Variants in ADAMTS13 observed in about 807,000 individuals in gnomAD.
ADAMTS13 encodes ADAM metallopeptidase with thrombospondin type 1 motif 13.
A neutral mutation model predicts 155.1 loss-of-function variants in ADAMTS13; 110 were observed. The ratio of observed to expected loss-of-function variants is 0.71; its 90% CI spans 0.61 to 0.83. The LOEUF (loss-of-function observed/expected upper bound fraction) is 0.83, where lower values mean the gene tolerates loss of function less well. Among genes scored for constraint, ADAMTS13 ranks in the 40% least tolerant of loss-of-function variants. ADAMTS13 has a pLI of 0.00. For synonymous variants in ADAMTS13, 758 were observed against 756.4 expected (o/e 1.00, Z -0.03); for missense variants, 1,707 against 1,891.7 (o/e 0.90, Z 1.81).
upstream of ADAMTS13, among the ~76,000 whole-genome samples, chr9:133,421,847 A>G (rs1839974289): frequency 6.6e-6 from 1 of 152,134 alleles, no homozygotes; most frequent in South Asian, 2.1e-4. Flanking sequence ...GTGGGTGTAA[A>G]AGAGTGGTTT....
chr9:133,454,541 G>A lies in ADAMTS13; in HGVS notation c.3171G>A (p.Ala1057=), dbSNP rs36222580. The change falls in exon 24 of 29, where the codon GCG becomes GCA. Residue 1057 remains alanine, a synonymous_variant. Coordinates refer to ENST00000355699, the MANE Select transcript of ADAMTS13 (RefSeq NM_139027.6). ...AGGTGGACGAGGCGGCCTGTGCGGCGCTGGTGCGGCCCGAGGCCAGTGTCC... is the reference window on the plus strand; with the variant it reads ...AGGTGGACGAGGCGGCCTGTGCGGCACTGGTGCGGCCCGAGGCCAGTGTCC... The part of the protein sequence containing the change: ...DVEVDEAACA[A]LVRPEASVPC... 4.8e-4 allele frequency: 770 copies of A among 1,609,504 alleles called. 4 individuals are homozygous for A. The African/African-American group carries it at 9.0e-3, about 19-fold the overall frequency.
chr9:133,435,759 C>T (rs1446508443), intron 11 of ADAMTS13, among the ~76,000 whole-genome samples: 1 of 151,834 alleles, frequency 6.6e-6, no homozygotes, highest in Non-Finnish European at 1.5e-5. Context: ...GTCTTGATCT[C>T]CTGACCTCGT....
chr9:133,445,137 C>G lies in ADAMTS13; in HGVS notation c.2610+85C>G, dbSNP rs1241254106. ...ACGAGGAGCACCCATTGCCACCGTC[C>G]TCCAGGCCAGAGCAAGAACACCATC... On this transcript the variant is annotated intron_variant, in intron 20 of 28. Transcript: ENST00000355699. The surrounding 1 kb of genome is among the most constrained non-coding windows in gnomAD (Gnocchi z 5.0). 3 of 1,448,404 alleles carry G rather than the reference C, an allele frequency of 2.1e-6. No individual in the cohort carries two copies. In the Admixed American group the frequency reaches 5.8e-5, roughly 28 times the overall value. The allele number at this position is 1,448,404 out of a possible 1,614,324, so 89.7% of individuals were successfully genotyped here.
At chr9:133,447,589 T>C (rs1438718963) in intron 21 of ADAMTS13, among the ~76,000 whole-genome samples, 1 of 150,606 alleles carries the variant, frequency 6.6e-6, no homozygotes, top group Non-Finnish European at 1.5e-5. Context: ...TTCTTTTTCT[T>C]TTTTTTCTTT....
chr9:133,453,937 G>A (rs1842592714), intron 23 of ADAMTS13, among the ~76,000 whole-genome samples: 1 of 152,088 alleles, frequency 6.6e-6, no homozygotes, highest in African/African-American at 2.4e-5. Context: ...CTTGCAGGCT[G>A]CCTGGGTTTG....
Position 133,428,617 on chromosome 9 carries a change from C to T in ADAMTS13, c.687-17C>T. ...CCCTGCCGGCCGCCTTAGCGCAACTCCCCGCCCCCCGACCAGCTTCGGCCT... is the reference window on the plus strand; with the variant it reads ...CCCTGCCGGCCGCCTTAGCGCAACTTCCCGCCCCCCGACCAGCTTCGGCCT... On this transcript the variant is annotated splice_polypyrimidine_tract_variant and intron_variant, in intron 6 of 28. Coordinates refer to ENST00000355699, the MANE Select transcript of ADAMTS13 (RefSeq NM_139027.6). 2.3e-6 allele frequency: 3 copies of T among 1,279,816 alleles called. No homozygotes were observed. Among genetic ancestry groups the T allele is most frequent in the Non-Finnish European group, 3.0e-6 (3 of 1,010,428 alleles). 79.3% of individuals were successfully genotyped at this position (1,279,816 alleles called of 1,614,324 possible).
rs199810396 is a variant in ADAMTS13 at position 133,455,332 on chromosome 9, C to T, written c.3297C>T (p.Cys1099=). ...GDGIQRRRDT[C]LGPQAQAPVP... ...GCATCCAGCGCCGGCGTGACACCTGCCTCGGACCCCAGGCCCAGGCGCCTG... is the reference window on the plus strand; with the variant it reads ...GCATCCAGCGCCGGCGTGACACCTGTCTCGGACCCCAGGCCCAGGCGCCTG... The change falls in exon 25 of 29, where the codon TGC becomes TGT. Residue 1099 remains cysteine, a synonymous_variant. Transcript: ENST00000355699. The T allele has an allele frequency of 3.7e-6, 6 of 1,608,606 alleles. No individual in the cohort carries two copies.
intron 23 of ADAMTS13, among the ~76,000 whole-genome samples, chr9:133,453,104 C>A (rs897736894): frequency 1.3e-5 from 2 of 151,838 alleles, no homozygotes; most frequent in Non-Finnish European, 2.9e-5. Flanking sequence ...GAGTTCTAGA[C>A]CAGCCTGGGC....
intron 23 of ADAMTS13, among the ~76,000 whole-genome samples, chr9:133,451,604 T>TA (rs781954127): frequency 1.3e-5 from 2 of 152,256 alleles, no homozygotes; most frequent in South Asian, 4.2e-4. Context: ...AGATTTCACT[T>TA]AAATTTAGGC....
chr9:133,434,548 G>A (rs587734643), intron 11 of ADAMTS13, among the ~76,000 whole-genome samples: 24 of 152,228 alleles, frequency 1.6e-4, no homozygotes, highest in African/African-American at 4.3e-4. Context: ...CTCGTGATCC[G>A]CCTGCCTCGG....
At chr9:133,457,012 C>T (rs1842789367) in intron 27 of ADAMTS13, 1 of 513,306 alleles carries the variant, frequency 1.9e-6, no homozygotes, top group Non-Finnish European at 3.6e-6. Context: ...ACCCACCTGC[C>T]CCGCCCCCAC....
chr9:133,437,341 C>T (rs1841313426), intron 12 of ADAMTS13, among the ~76,000 whole-genome samples: 2 of 152,212 alleles, frequency 1.3e-5, no homozygotes. Flanking sequence ...ACTGTAACCT[C>T]CGCCTCTGGG....
At chr9:133,439,498 A>T in intron 15 of ADAMTS13, 52 bp downstream of exon 15, 3 of 1,491,748 alleles carry the variant, frequency 2.0e-6, no homozygotes, top group Non-Finnish European at 2.8e-6. Context: ...AAAGGTGCAG[A>T]GCACTGTTGC....
At position 133,445,773 on chromosome 9, in the gene ADAMTS13, C is replaced by G; in HGVS notation, c.2685C>G (p.His895Gln). The G allele has an allele frequency of 1.2e-6, 2 of 1,601,742 alleles. No individual in the cohort carries two copies. Among genetic ancestry groups the G allele is most frequent in the Non-Finnish European group, 1.7e-6 (2 of 1,170,934 alleles). The part of the protein sequence containing the change: ...GSIRTGAQAA[H>Q]VWTPAAGSCS... ...TCAGGACGGGGGCTCAAGCTGCACA[C>G]GTGTGGACCCCTGCGGCAGGGTCGT... Residue 895 changes from histidine (H) to glutamine (Q), a missense_variant, in exon 21 of 29, where the codon CAC becomes CAG. His to Gln is a conservative substitution (Grantham distance 24, BLOSUM62 0). Coordinates refer to ENST00000355699, the MANE Select transcript of ADAMTS13 (RefSeq NM_139027.6). The surrounding 1 kb of genome is among the most constrained non-coding windows in gnomAD (Gnocchi z 5.0).
intron 7 of ADAMTS13, 24 bp downstream of exon 7, chr9:133,428,795 G>A: frequency 7.8e-7 from 1 of 1,283,342 alleles, no homozygotes; most frequent in Non-Finnish European, 9.8e-7. Context: ...CGTGGGAGGG[G>A]CGCGCGAGCC....
chr9:133,449,968 G>C lies in ADAMTS13; in HGVS notation c.3044+3G>C, dbSNP rs1469037705. On this transcript the variant is annotated splice_donor_region_variant and intron_variant, in intron 23 of 28. Transcript: ENST00000355699. ...AGCCTGGAGCCCTGCCCACCTAGGT[G>C]AGTCAGCCGGTGATGGGAGGGGCAG... The C allele has an allele frequency of 6.3e-7, 1 of 1,594,342 alleles. No individual in the cohort carries two copies. The highest frequency in any genetic ancestry group is 1.3e-5 in the African/African-American group (1 of 74,898).
At chr9:133,436,167 A>C (rs1841197661) in intron 11 of ADAMTS13, among the ~76,000 whole-genome samples, 1 of 150,456 alleles carries the variant, frequency 6.6e-6, no homozygotes, top group Non-Finnish European at 1.5e-5. Flanking sequence ...AATGGTAGAA[A>C]GATTCTTTTT....
intron 23 of ADAMTS13, 69 bp downstream of exon 23, chr9:133,450,034 G>C (rs960477537): frequency 7.2e-5 from 110 of 1,518,360 alleles, no homozygotes; most frequent in Non-Finnish European, 8.8e-5. Flanking sequence ...GCTGTGGTGT[G>C]TGCCTGTAAT....
chr9:133,435,318 C>G (rs1037866159), intron 11 of ADAMTS13, among the ~76,000 whole-genome samples: 2 of 151,526 alleles, frequency 1.3e-5, no homozygotes, highest in Non-Finnish European at 2.9e-5. Context: ...TCCGGAGTAG[C>G]TGGGATTACA....
Sources: allele counts gnomAD v4.1 joint callset (sites outside exome capture counted in the v4.1 genomes callset), GRCh38; gene constraint gnomAD v4.1.1; non-coding constraint Gnocchi (gnomAD v3.1); transcripts MANE v1.5; gene names NCBI Gene and HGNC (gene_info 2026-07-23, HGNC 2026-07-21).